Variants in CLIC6 observed in about 807,000 individuals in gnomAD.
The protein encoded by CLIC6 is chloride intracellular channel protein 6.
In CLIC6, 39 loss-of-function variants were observed where a neutral mutation model predicts 49.2. The ratio of observed to expected loss-of-function variants is 0.79; its 90% CI spans 0.61 to 1.04. The LOEUF is 1.04. Among genes scored for constraint, CLIC6 ranks in the 50% least tolerant of loss-of-function variants. The pLI, the probability that CLIC6 is intolerant of heterozygous loss-of-function variation, is 0.00. For synonymous variants in CLIC6, 446 were observed against 433.4 expected (o/e 1.03, Z -0.36); for missense variants, 988 against 993.1 (o/e 0.99, Z 0.07).
chr21:34,704,558 GA>G (rs1283293243), intron 1 of CLIC6, among the ~76,000 whole-genome samples: 1 of 152,192 alleles, frequency 6.6e-6, no homozygotes, highest in African/African-American at 2.4e-5. Flanking sequence ...CACAAAGGGG[GA>G]AATGTATAAT....
chr21:34,712,847 GCCCTAACCCTAACCCTAA>G (rs60327192), intron 5 of CLIC6, among the ~76,000 whole-genome samples: 37 of 149,800 alleles, frequency 2.5e-4, no homozygotes, highest in South Asian at 6.4e-4. Flanking sequence ...AGTGGAGGAT[GCCCTAACCCTAACCCTAA>G]CCCTAACCCT....
intron 1 of CLIC6, among the ~76,000 whole-genome samples, chr21:34,695,177 C>T (rs1018025220): frequency 6.6e-6 from 1 of 152,236 alleles, no homozygotes; most frequent in African/African-American, 2.4e-5. Context: ...CAGGTCCTCA[C>T]CTCCCCAGCT....
intron 1 of CLIC6, among the ~76,000 whole-genome samples, chr21:34,678,987 C>T (rs1227904095): frequency 1.3e-5 from 2 of 152,168 alleles, no homozygotes; most frequent in African/African-American, 4.8e-5. Context: ...AACAAATTGT[C>T]CCAAGACCTA....
intron 1 of CLIC6, among the ~76,000 whole-genome samples, chr21:34,702,653 C>T (rs1421656448): frequency 6.6e-6 from 1 of 152,206 alleles, no homozygotes; most frequent in Non-Finnish European, 1.5e-5. Context: ...GGCTTGAAGG[C>T]CAAGATCTTC....
chr21:34,688,021 C>T (rs1174013204), intron 1 of CLIC6, among the ~76,000 whole-genome samples: 2 of 152,086 alleles, frequency 1.3e-5, no homozygotes, highest in African/African-American at 2.4e-5. Context: ...ATTGGTTGAG[C>T]ATGCAAACAA....
chr21:34,700,446 C>CAAAAAAAAA (rs530221942), intron 1 of CLIC6, among the ~76,000 whole-genome samples: 4 of 64,856 alleles, frequency 6.2e-5, no homozygotes, highest in African/African-American at 1.3e-4. Flanking sequence ...GACTCCGTCT[C>CAAAAAAAAA]AAAAAAAAAA....
intron 1 of CLIC6, among the ~76,000 whole-genome samples, chr21:34,688,606 A>G (rs1477532559): frequency 6.6e-6 from 1 of 152,222 alleles, no homozygotes; most frequent in Non-Finnish European, 1.5e-5. Flanking sequence ...GGTGGGGGAT[A>G]AGACCAGCGA....
intron 3 of CLIC6, 36 bp from the exon 4 acceptor site, chr21:34,708,664 A>G (rs763376858): frequency 7.1e-7 from 1 of 1,402,974 alleles, no homozygotes; most frequent in Non-Finnish European, 1.0e-6. Context: ...CTAAAACATC[A>G]CTTGTCTGTG....
chr21:34,714,626 T>G (rs2056075589), intron 5 of CLIC6, among the ~76,000 whole-genome samples: 2 of 148,106 alleles, frequency 1.4e-5, no homozygotes, highest in Admixed American at 1.3e-4. Flanking sequence ...AGGTGGAGGT[T>G]GCAGTGAGCC....
intron 2 of CLIC6, among the ~76,000 whole-genome samples, 198 bp from the exon 3 acceptor site, chr21:34,707,746 G>C (rs2056025673): frequency 6.6e-6 from 1 of 152,138 alleles, no homozygotes; most frequent in South Asian, 2.1e-4. Flanking sequence ...TATTCACAAA[G>C]GGGCACCTCA....
At chr21:34,710,861 ATGT>A (rs2056052120) in intron 5 of CLIC6, among the ~76,000 whole-genome samples, 1 of 152,084 alleles carries the variant, frequency 6.6e-6, no homozygotes, top group Non-Finnish European at 1.5e-5. Flanking sequence ...AAAACAAGAA[ATGT>A]AAGTCCCCGA....
rs181184188 is a variant in CLIC6 at position 34,674,030 on chromosome 21, T to C, written c.1374+3268T>C. Among the ~76,000 whole-genome samples, 100 of 152,292 alleles carry C rather than the reference T, an allele frequency of 6.6e-4. 1 individual carries two copies. Among genetic ancestry groups the C allele is most frequent in the African/African-American group, 2.3e-3 (97 of 41,548 alleles). ...AGTACTGCAATATTCTCTCAAACAT[T>C]CTCCTAGCCTTCATATGACAGCTGA... On this transcript the variant is annotated intron_variant, in intron 1 of 5. Transcript: ENST00000349499.
intron 1 of CLIC6, among the ~76,000 whole-genome samples, chr21:34,702,902 A>G (rs1377317396): frequency 6.6e-6 from 1 of 152,118 alleles, no homozygotes; most frequent in Non-Finnish European, 1.5e-5. Context: ...CCCTCTGAGG[A>G]CAACTCTCTG....
intron 5 of CLIC6, 96 bp from the exon 6 acceptor site, chr21:34,716,225 A>C: frequency 3.9e-6 from 4 of 1,034,130 alleles, no homozygotes; most frequent in Non-Finnish European, 5.7e-6. Flanking sequence ...AAACTGGGAA[A>C]GAATGTATTG....
intron 1 of CLIC6, among the ~76,000 whole-genome samples, chr21:34,698,957 G>T (rs183286745): frequency 4.7e-4 from 71 of 152,278 alleles, no homozygotes; most frequent in African/African-American, 1.6e-3. Context: ...TCAGGTAAAG[G>T]GTAGGGAAGA....
At chr21:34,710,386 C>A (rs1162876133) in intron 5 of CLIC6, among the ~76,000 whole-genome samples, 2 of 152,160 alleles carry the variant, frequency 1.3e-5, no homozygotes, top group African/African-American at 4.8e-5. Flanking sequence ...TATTTGTTGC[C>A]CTGCCTTCCC....
intron 1 of CLIC6, among the ~76,000 whole-genome samples, chr21:34,690,837 T>G (rs1601273803): frequency 5.2e-5 from 5 of 96,910 alleles, no homozygotes; most frequent in Admixed American, 1.4e-4. Context: ...AGGGTGAGGG[T>G]GGGAAAGGAG....
At chr21:34,675,959 T>G (rs1989662849) in intron 1 of CLIC6, among the ~76,000 whole-genome samples, 1 of 152,226 alleles carries the variant, frequency 6.6e-6, no homozygotes, top group Non-Finnish European at 1.5e-5. Flanking sequence ...AATTTGAAGC[T>G]CTTTCCTGCC....
chr21:34,697,582 A>G (rs958110415), intron 1 of CLIC6, among the ~76,000 whole-genome samples: 3 of 152,196 alleles, frequency 2.0e-5, no homozygotes, highest in Non-Finnish European at 2.9e-5. Context: ...AACATCAACA[A>G]TGGTATTTCC....
Sources: allele counts gnomAD v4.1 joint callset (sites outside exome capture counted in the v4.1 genomes callset), GRCh38; gene constraint gnomAD v4.1.1; transcripts MANE v1.5; gene names NCBI Gene and HGNC (gene_info 2026-07-23, HGNC 2026-07-21).